ADGRL2: variants seen among roughly 807,000 people sequenced by gnomAD.
The protein encoded by ADGRL2 is calcium-independent alpha-latrotoxin receptor 2.
A neutral mutation model predicts 157.4 loss-of-function variants in ADGRL2; 44 were observed. That is an observed-to-expected ratio of 0.28 (90% CI 0.22 to 0.36). ADGRL2 has a LOEUF of 0.36. Ranked by LOEUF, ADGRL2 falls within the 10% of genes least tolerant of loss-of-function variation. The pLI, the probability that ADGRL2 is intolerant of heterozygous loss-of-function variation, is 1.00. For synonymous variants in ADGRL2, 585 were observed against 624.7 expected (o/e 0.94, Z 0.95); for missense variants, 1,510 against 1,768.9 (o/e 0.85, Z 2.63).
chr1:81,722,763 G>T (rs1297406058), intron 1 of ADGRL2: 3 of 795,462 alleles, frequency 3.8e-6, no homozygotes, highest in Non-Finnish European at 6.5e-6. Context: ...CTCAAGAAGA[G>T]CATGAGAGAG....
chr1:81,681,985 G>A (rs958279989), intron 3 of ADGRL2, among the ~76,000 whole-genome samples: 2 of 152,134 alleles, frequency 1.3e-5, no homozygotes, highest in African/African-American at 4.8e-5. Context: ...AGTGAATGAA[G>A]TAAAATTTAG....
chr1:81,772,947 T>A (rs1235415341), intron 2 of ADGRL2, among the ~76,000 whole-genome samples: 3 of 152,184 alleles, frequency 2.0e-5, no homozygotes, highest in African/African-American at 7.2e-5. Flanking sequence ...GTTTTATTTG[T>A]GTAGCACATT....
chr1:81,497,300 C>T (rs573762623), intron 2 of ADGRL2, among the ~76,000 whole-genome samples: 149 of 152,280 alleles, frequency 9.8e-4, no homozygotes, highest in Middle Eastern at 3.4e-3. Context: ...TATTGAAATG[C>T]AAGAGGTTTC....
chr1:81,643,797 T>C (rs1020962757), intron 3 of ADGRL2, among the ~76,000 whole-genome samples: 26 of 152,314 alleles, frequency 1.7e-4, no homozygotes, highest in African/African-American at 6.0e-4. Flanking sequence ...ATAAGAAGAC[T>C]CAATATTGCC....
intron 2 of ADGRL2, among the ~76,000 whole-genome samples, chr1:81,778,663 T>C (rs752210485): frequency 4.6e-5 from 7 of 152,178 alleles, no homozygotes; most frequent in Non-Finnish European, 8.8e-5. Context: ...TTTTTGAACA[T>C]ACGGCATTCC....
At chr1:81,527,538 C>T (rs1431646578) in intron 2 of ADGRL2, among the ~76,000 whole-genome samples, 2 of 152,086 alleles carry the variant, frequency 1.3e-5, no homozygotes, top group South Asian at 2.1e-4. Flanking sequence ...ATGGAGAAAC[C>T]CTGTCTCTAC....
intron 1 of ADGRL2, among the ~76,000 whole-genome samples, chr1:81,717,459 A>T (rs1041521864): frequency 2.0e-5 from 3 of 152,222 alleles, no homozygotes; most frequent in Admixed American, 6.5e-5. Context: ...GTGAAATGTC[A>T]ATAGGCTTCC....
chr1:81,765,978 T>C (rs1422801453), intron 2 of ADGRL2, among the ~76,000 whole-genome samples: 1 of 152,130 alleles, frequency 6.6e-6, no homozygotes, highest in Non-Finnish European at 1.5e-5. Context: ...AAAGCAAAGA[T>C]AAAAACAGTC....
rs12074599 is a variant in ADGRL2, at chr1:81,395,055, T to C, written c.-301-49981T>C. ...CTGGGACTACACGTGTGTGCCACCA[T>C]GCCCAGCCACCAAGCCCAGCTAATT... On this transcript the variant is annotated intron_variant, in intron 1 of 24. Transcript: ENST00000370721. 4.5e-4 allele frequency among the ~76,000 whole-genome samples: 68 copies of C among 152,026 alleles called. 7 individuals are homozygous for C. In the East Asian group the frequency reaches 6.6e-3, roughly 15 times the overall value.
chr1:81,792,220 TG>T (rs536768280), intron 2 of ADGRL2, among the ~76,000 whole-genome samples: 7 of 152,166 alleles, frequency 4.6e-5, no homozygotes, highest in Non-Finnish European at 1.0e-4. Context: ...AAATTAAAAA[TG>T]AATATAGAAA....
chr1:81,502,719 C>T, intron 2 of ADGRL2: 1 of 1,613,652 alleles, frequency 6.2e-7, no homozygotes, highest in Non-Finnish European at 8.5e-7. Context: ...CCTTGAGTTC[C>T]CCAGCCGAGC....
chr1:81,568,302 A>C (rs953863223), intron 2 of ADGRL2, among the ~76,000 whole-genome samples: 2 of 152,098 alleles, frequency 1.3e-5, no homozygotes, highest in African/African-American at 2.4e-5. Flanking sequence ...TTAGAACCTC[A>C]AGGAGGGTTA....
intron 1 of ADGRL2, among the ~76,000 whole-genome samples, chr1:81,740,327 A>G (rs1481545048): frequency 6.6e-6 from 1 of 152,226 alleles, no homozygotes; most frequent in East Asian, 1.9e-4. Flanking sequence ...GAACCAGGAC[A>G]GAGCACAGTA....
intron 2 of ADGRL2, among the ~76,000 whole-genome samples, chr1:81,517,682 G>A (rs2079213058): frequency 6.6e-6 from 1 of 152,092 alleles, no homozygotes. Flanking sequence ...TATCTCATTG[G>A]TGACTGCCAC....
Position 81,530,110 on chromosome 1 carries a change from T to C in ADGRL2, c.-247-50766T>C, listed in dbSNP as rs80191034. Reference sequence around the variant, plus strand: ...CTGGGATCAATCAATTAAATACTTATAGATCACTGATCATACATCTAGTAG... The same window carrying C: ...CTGGGATCAATCAATTAAATACTTACAGATCACTGATCATACATCTAGTAG... On this transcript the variant is annotated intron_variant, in intron 2 of 24. Coordinates refer to the ADGRL2 transcript ENST00000370721. Among the ~76,000 whole-genome samples, 274 of 152,284 alleles carry C rather than the reference T, an allele frequency of 1.8e-3. 1 individual carries two copies. Among genetic ancestry groups the C allele is most frequent in the African/African-American group, 6.3e-3 (260 of 41,550 alleles).
At chr1:81,742,542 C>T (rs1485493765) in intron 1 of ADGRL2, among the ~76,000 whole-genome samples, 1 of 151,908 alleles carries the variant, frequency 6.6e-6, no homozygotes, top group African/African-American at 2.4e-5. Flanking sequence ...TATATTTTGC[C>T]TTCAAAAGAT....
chr1:81,830,648 C>G (rs571926472), intron 1 of ADGRL2, among the ~76,000 whole-genome samples: 3 of 152,228 alleles, frequency 2.0e-5, no homozygotes, highest in Admixed American at 1.3e-4. Context: ...GCTGGGATTA[C>G]AAGTGCCCGC....
At chr1:81,500,936 C>CAAA (rs1471221917) in intron 2 of ADGRL2, among the ~76,000 whole-genome samples, 1 of 152,134 alleles carries the variant, frequency 6.6e-6, no homozygotes, top group Non-Finnish European at 1.5e-5. Flanking sequence ...CTGAGTCTAT[C>CAAA]AAAAGAGAGC....
At chr1:81,623,009 A>G (rs1394779945) in intron 3 of ADGRL2, among the ~76,000 whole-genome samples, 2 of 152,220 alleles carry the variant, frequency 1.3e-5, no homozygotes, top group East Asian at 3.8e-4. Flanking sequence ...GAGCCACATC[A>G]GAATTTTCAA....
Sources: gnomAD v4.1 joint callset for allele counts (sites outside exome capture counted in the v4.1 genomes callset) on GRCh38, gnomAD v4.1.1 for gene constraint, MANE v1.5 for transcripts, NCBI Gene and HGNC (gene_info 2026-07-23, HGNC 2026-07-21) for gene names.